ESRRG: variants seen among roughly 807,000 people sequenced by gnomAD.
The protein encoded by ESRRG is estrogen-related receptor gamma.
In ESRRG, 13 loss-of-function variants were observed where a neutral mutation model predicts 44.0. That is an observed-to-expected ratio of 0.30 (90% confidence interval 0.19 to 0.47). ESRRG has a LOEUF of 0.47. Ranked by LOEUF, ESRRG falls within the 20% of genes least tolerant of loss-of-function variation. ESRRG has a pLI of 1.00. For missense variants in ESRRG, 395 were observed against 580.6 expected, an observed-to-expected ratio of 0.68 and a Z score of 3.29; for synonymous variants, 215 against 214.6, an observed-to-expected ratio of 1.00 and a Z score of -0.02.
intron 2 of ESRRG, among the ~76,000 whole-genome samples, chr1:216,795,339 TTTC>T: frequency 7.1e-6 from 1 of 140,430 alleles, no homozygotes; most frequent in South Asian, 2.2e-4. Flanking sequence ...TTTTTTTCTT[TTTC>T]TTTTTTTTTT....
chr1:216,657,633 G>C (rs2070971657), intron 2 of ESRRG, among the ~76,000 whole-genome samples: 2 of 152,084 alleles, frequency 1.3e-5, no homozygotes, highest in African/African-American at 4.8e-5. Flanking sequence ...AATACTATAA[G>C]GAATGGGTAC....
chr1:216,667,773 T>C (rs2074283236), intron 2 of ESRRG, among the ~76,000 whole-genome samples: 1 of 150,850 alleles, frequency 6.6e-6, no homozygotes, highest in South Asian at 2.1e-4. Context: ...CTATCATGAA[T>C]TAGTGATATT....
chr1:216,564,502 C>A, intron 4 of ESRRG, 122 bp from the exon 5 acceptor site: 3 of 702,844 alleles, frequency 4.3e-6, no homozygotes, highest in South Asian at 5.7e-5. Context: ...CTAAATATTC[C>A]AATTATGGCT....
At chr1:216,744,569 G>T (rs2091166450) in intron 2 of ESRRG, among the ~76,000 whole-genome samples, 1 of 151,870 alleles carries the variant, frequency 6.6e-6, no homozygotes, top group African/African-American at 2.4e-5. Flanking sequence ...ACAGATTTCA[G>T]GCAAAAACTT....
intron 1 of ESRRG, among the ~76,000 whole-genome samples, chr1:217,078,679 A>G (rs376036495): frequency 6.6e-6 from 1 of 152,196 alleles, no homozygotes; most frequent in Non-Finnish European, 1.5e-5. Flanking sequence ...CCTGACCTAC[A>G]GTGTACTATA....
intron 2 of ESRRG, among the ~76,000 whole-genome samples, chr1:216,932,726 T>G (rs984586621): frequency 1.4e-5 from 2 of 145,002 alleles, no homozygotes; most frequent in African/African-American, 2.5e-5. Flanking sequence ...CTTGTTTTTT[T>G]TTTTTTTTTT....
intron 2 of ESRRG, among the ~76,000 whole-genome samples, chr1:216,918,366 G>A (rs1015885412): frequency 3.3e-5 from 5 of 152,108 alleles, no homozygotes; most frequent in Non-Finnish European, 2.9e-5. Flanking sequence ...ACACCTTGCT[G>A]TCTCGGTCAT....
At chr1:216,822,282 C>G (rs929784302) in intron 2 of ESRRG, among the ~76,000 whole-genome samples, 1 of 151,976 alleles carries the variant, frequency 6.6e-6, no homozygotes, top group African/African-American at 2.4e-5. Context: ...AAATAAATAC[C>G]GATACTCTCT....
intron 5 of ESRRG, among the ~76,000 whole-genome samples, chr1:216,559,783 G>T (rs1392835191): frequency 6.6e-6 from 1 of 152,072 alleles, no homozygotes; most frequent in African/African-American, 2.4e-5. Context: ...ATTTTGCTTG[G>T]TGGATGATAT....
chr1:216,508,291 AT>A (rs1193310903), intron 6 of ESRRG, among the ~76,000 whole-genome samples: 1 of 152,202 alleles, frequency 6.6e-6, no homozygotes, highest in Non-Finnish European at 1.5e-5. Flanking sequence ...TTAAAAATTT[AT>A]TTGTATTTTG....
At chr1:217,026,888 TACACAC>T (rs71163785) in intron 1 of ESRRG, among the ~76,000 whole-genome samples, 5 of 105,328 alleles carry the variant, frequency 4.7e-5, no homozygotes, top group East Asian at 2.9e-4. Flanking sequence ...CACACACACA[TACACAC>T]ACACACACAC....
chr1:216,574,099 C>A (rs1309428492), intron 3 of ESRRG, among the ~76,000 whole-genome samples: 2 of 152,026 alleles, frequency 1.3e-5, no homozygotes, highest in Non-Finnish European at 2.9e-5. Flanking sequence ...AAATAAAAGA[C>A]CCACAGTGTT....
intron 1 of ESRRG, among the ~76,000 whole-genome samples, chr1:217,026,570 C>T (rs1174687800): frequency 2.0e-5 from 3 of 152,078 alleles, no homozygotes; most frequent in Non-Finnish European, 4.4e-5. Context: ...GAATGCTTCC[C>T]ATTTGATAAC....
chr1:216,792,948 G>A (rs1404824512), intron 2 of ESRRG, among the ~76,000 whole-genome samples: 2 of 152,168 alleles, frequency 1.3e-5, no homozygotes, highest in African/African-American at 2.4e-5. Flanking sequence ...ATAGGAATAT[G>A]ATCAGTAACC....
At chr1:217,131,109 G>A (rs563432422) in intron 1 of ESRRG, among the ~76,000 whole-genome samples, 1 of 152,270 alleles carries the variant, frequency 6.6e-6, no homozygotes, top group Non-Finnish European at 1.5e-5. Context: ...TAATTCTGAA[G>A]AAGTATGCTA....
At chr1:216,622,997 G>A (rs1406022137) in intron 3 of ESRRG, among the ~76,000 whole-genome samples, 1 of 151,382 alleles carries the variant, frequency 6.6e-6, no homozygotes, top group Non-Finnish European at 1.5e-5. Context: ...TTTTTCCTCT[G>A]GAAGTACAAA....
At chr1:216,546,785 A>G (rs2054638481) in intron 5 of ESRRG, among the ~76,000 whole-genome samples, 1 of 150,760 alleles carries the variant, frequency 6.6e-6, no homozygotes, top group Non-Finnish European at 1.5e-5. Flanking sequence ...ATAGACCTAA[A>G]TTTAAATTTC....
chr1:216,764,276 C>T (rs1445176223), intron 2 of ESRRG, among the ~76,000 whole-genome samples: 40 of 143,930 alleles, frequency 2.8e-4, no homozygotes, highest in African/African-American at 8.4e-4. Context: ...CTCTTTTACT[C>T]TTTTTTTTTT....
chr1:216,584,679 A>G (rs2063433474), intron 3 of ESRRG, among the ~76,000 whole-genome samples: 1 of 152,204 alleles, frequency 6.6e-6, no homozygotes, highest in Non-Finnish European at 1.5e-5. Context: ...ATAATAAGAA[A>G]TTTAAGATCC....
Sources: gnomAD v4.1 joint callset for allele counts (sites outside exome capture counted in the v4.1 genomes callset) on GRCh38, gnomAD v4.1.1 for gene constraint, MANE v1.5 for transcripts, NCBI Gene and HGNC (gene_info 2026-07-23, HGNC 2026-07-21) for gene names.